L3MBTL4: variants seen among roughly 807,000 people sequenced by gnomAD.
L3MBTL4 encodes L3MBTL histone methyl-lysine binding protein 4.
Under a neutral mutation model 84.5 loss-of-function variants are expected in L3MBTL4, and 70 were observed. The ratio of observed to expected loss-of-function variants is 0.83; its 90% CI spans 0.68 to 1.01. The LOEUF is 1.01. L3MBTL4 is among the 50% of genes least tolerant of loss of function. The pLI is 0.00. For synonymous variants in L3MBTL4, 274 were observed against 259.8 expected (o/e 1.05, Z -0.52); for missense variants, 715 against 754.8 (o/e 0.95, Z 0.62).
At chr18:6,306,231 G>A (rs1487621363) in intron 3 of L3MBTL4, among the ~76,000 whole-genome samples, 1 of 152,150 alleles carries the variant, frequency 6.6e-6, no homozygotes. Flanking sequence ...AATAGAATTT[G>A]CCTATTGGAT....
intron 18 of L3MBTL4, among the ~76,000 whole-genome samples, chr18:5,958,038 GAGGAGGAGAAGGAGA>G (rs2095238109): frequency 2.2e-5 from 3 of 138,676 alleles, no homozygotes; most frequent in African/African-American, 9.2e-5. Flanking sequence ...AGAGGAGGAG[GAGGAGGAGAAGGAGA>G]AGGAGAAGGA....
intron 12 of L3MBTL4, among the ~76,000 whole-genome samples, chr18:6,201,067 C>T (rs1194676715): frequency 6.6e-6 from 1 of 152,156 alleles, no homozygotes; most frequent in Non-Finnish European, 1.5e-5. Context: ...CTAGGGATAT[C>T]AAGAGTACTC....
chr18:6,360,305 A>G (rs1301369596), intron 1 of L3MBTL4, among the ~76,000 whole-genome samples: 2 of 152,224 alleles, frequency 1.3e-5, no homozygotes, highest in Non-Finnish European at 2.9e-5. Flanking sequence ...CAGGAGTTCT[A>G]GGCTGCAGTG....
At chr18:6,407,587 T>C (rs1249339527) in intron 1 of L3MBTL4, among the ~76,000 whole-genome samples, 1 of 152,228 alleles carries the variant, frequency 6.6e-6, no homozygotes, top group African/African-American at 2.4e-5. Context: ...ATAATTATAA[T>C]AAAATGAACA....
At chr18:6,024,374 C>T (rs991198707) in intron 16 of L3MBTL4, among the ~76,000 whole-genome samples, 4 of 152,220 alleles carry the variant, frequency 2.6e-5, no homozygotes, top group African/African-American at 9.7e-5. Flanking sequence ...AAAACAGTGA[C>T]TAAGGAGCCC....
At chr18:6,334,051 A>C (rs2052195928) in intron 1 of L3MBTL4, among the ~76,000 whole-genome samples, 1 of 152,222 alleles carries the variant, frequency 6.6e-6, no homozygotes, top group African/African-American at 2.4e-5. Flanking sequence ...ACACATGTGA[A>C]ATCAAGACGG....
At position 6,078,458 on chromosome 18, in the gene L3MBTL4, G is replaced by A. The variant is rs1014295380; in HGVS notation, c.1444+2423C>T. Among the ~76,000 whole-genome samples, 387 of 148,740 alleles carry A rather than the reference G, an allele frequency of 2.6e-3. 2 individuals are homozygous for A. Among genetic ancestry groups the A allele is most frequent in the African/African-American group, 9.3e-3 (376 of 40,344 alleles). ...AAAAAACAAAAAAAAAAAAAAAAGG[G>A]GAAAAAAAGGAAGGACATGGGTACT... On this transcript the variant is annotated intron_variant, in intron 16 of 18. Coordinates refer to ENST00000317931, the MANE Select transcript of L3MBTL4 (RefSeq NM_001330559.2).
At position 6,370,047 on chromosome 18, in the gene L3MBTL4, T is replaced by C. The variant is rs544517000; in HGVS notation, c.-91+44754A>G. The stretch of plus-strand genomic sequence containing the variant: ...TACTTGGGAGGCTGAGGCACGAGAA[T>C]TGCTTGAACCTGGGAGGCAGAGGTT... On this transcript the variant is annotated intron_variant, in intron 1 of 18. Coordinates refer to ENST00000317931, the MANE Select transcript of L3MBTL4 (RefSeq NM_001330559.2). Among the ~76,000 whole-genome samples, 5 of 150,636 alleles carry C rather than the reference T, an allele frequency of 3.3e-5. No individual in the cohort carries two copies. The East Asian group carries it at 9.9e-4, about 30-fold the overall frequency.
intron 4 of L3MBTL4, among the ~76,000 whole-genome samples, chr18:6,295,730 C>T (rs1464958631): frequency 1.3e-5 from 2 of 152,078 alleles, no homozygotes; most frequent in African/African-American, 2.4e-5. Context: ...CCCTGTTAAT[C>T]CTCCACTGAG....
chr18:6,286,674 A>T (rs941829763), intron 4 of L3MBTL4, among the ~76,000 whole-genome samples: 1 of 152,180 alleles, frequency 6.6e-6, no homozygotes, highest in South Asian at 2.1e-4. Context: ...TGATGTCAGA[A>T]GCAAGGTTCC....
intron 5 of L3MBTL4, among the ~76,000 whole-genome samples, chr18:6,253,210 A>G (rs1436604483): frequency 6.6e-6 from 1 of 152,116 alleles, no homozygotes. Context: ...CAAAACAAAC[A>G]AACAAACAAA....
At chr18:6,181,967 A>T (rs2044494540) in intron 12 of L3MBTL4, among the ~76,000 whole-genome samples, 1 of 152,180 alleles carries the variant, frequency 6.6e-6, no homozygotes, top group South Asian at 2.1e-4. Flanking sequence ...TGCCGTGATG[A>T]ACATGCACTT....
intron 1 of L3MBTL4, among the ~76,000 whole-genome samples, chr18:6,315,875 A>G (rs1265414702): frequency 6.6e-6 from 1 of 152,170 alleles, no homozygotes; most frequent in Non-Finnish European, 1.5e-5. Context: ...CCTATTTTGG[A>G]ATCTTAAAAT....
intron 5 of L3MBTL4, among the ~76,000 whole-genome samples, chr18:6,253,097 G>A (rs1224635351): frequency 1.3e-5 from 2 of 152,190 alleles, no homozygotes; most frequent in Admixed American, 1.3e-4. Context: ...AGCTACTCGG[G>A]AGGCTGAGGC....
At chr18:6,393,442 A>G (rs552063430) in intron 1 of L3MBTL4, among the ~76,000 whole-genome samples, 4 of 152,254 alleles carry the variant, frequency 2.6e-5, no homozygotes, top group East Asian at 1.9e-4. Context: ...AAAGCCCACA[A>G]TGCTCCAACA....
At chr18:6,159,250 C>T (rs7231010) in intron 13 of L3MBTL4, among the ~76,000 whole-genome samples, 1,857 of 152,280 alleles carry the variant, frequency 0.012, 38 homozygotes, top group African/African-American at 0.042. Context: ...GGCTGGGTTA[C>T]CCACTTTTCT....
intron 1 of L3MBTL4, among the ~76,000 whole-genome samples, chr18:6,331,082 C>T (rs1034450378): frequency 6.6e-6 from 1 of 152,120 alleles, no homozygotes; most frequent in Non-Finnish European, 1.5e-5. Context: ...ACAGAAATGT[C>T]AGAAACAAAC....
At chr18:6,086,851 T>A (rs1340464229) in intron 15 of L3MBTL4, among the ~76,000 whole-genome samples, 1 of 152,114 alleles carries the variant, frequency 6.6e-6, no homozygotes, top group East Asian at 1.9e-4. Context: ...ATGGAACTGG[T>A]TTGCTCACCT....
chr18:6,227,969 G>A (rs1315549461), intron 10 of L3MBTL4, among the ~76,000 whole-genome samples: 2 of 152,120 alleles, frequency 1.3e-5, no homozygotes, highest in Non-Finnish European at 2.9e-5. Flanking sequence ...GCCAGGACAA[G>A]AACAGCTTTT....
Sources: allele counts gnomAD v4.1 joint callset (sites outside exome capture counted in the v4.1 genomes callset), GRCh38; gene constraint gnomAD v4.1.1; transcripts MANE v1.5; gene names NCBI Gene and HGNC (gene_info 2026-07-23, HGNC 2026-07-21).